PPP1R12B: variants seen among roughly 807,000 people sequenced by gnomAD.
PPP1R12B encodes the protein myosin phosphatase target subunit 2.
PPP1R12B carries 76 observed loss-of-function variants against 126.1 expected under a neutral mutation model. The observed-to-expected ratio is 0.60, with a 90% CI of 0.50 to 0.73. The LOEUF (loss-of-function observed/expected upper bound fraction) is 0.73. PPP1R12B is among the 30% of genes least tolerant of loss of function. The pLI, the probability that PPP1R12B is intolerant of heterozygous loss-of-function variation, is 0.00. For missense variants in PPP1R12B, 1,052 were observed against 1,205.1 expected (o/e 0.87, Z 1.88); for synonymous variants, 356 against 434.7 (o/e 0.82, Z 2.25).
chr1:202,570,615 A>AT (rs1300545673), intron 23 of PPP1R12B, among the ~76,000 whole-genome samples: 1 of 152,170 alleles, frequency 6.6e-6, no homozygotes, highest in East Asian at 1.9e-4. Context: ...GCATCTTGTG[A>AT]TTTTTTTCAA....
intron 1 of PPP1R12B, among the ~76,000 whole-genome samples, chr1:202,412,120 TG>T (rs1285416040): frequency 6.6e-6 from 1 of 152,214 alleles, no homozygotes; most frequent in East Asian, 1.9e-4. Flanking sequence ...TTGTTCTTGT[TG>T]TTCTGTCAAA....
chr1:202,433,593 C>A (rs1259014941), intron 8 of PPP1R12B, among the ~76,000 whole-genome samples: 7 of 152,206 alleles, frequency 4.6e-5, no homozygotes, highest in Non-Finnish European at 1.5e-5. Flanking sequence ...AACTGGACTG[C>A]TTAATTTCCT....
intron 18 of PPP1R12B, among the ~76,000 whole-genome samples, chr1:202,532,002 G>A (rs1041572553): frequency 1.5e-4 from 23 of 152,206 alleles, no homozygotes; most frequent in Non-Finnish European, 2.9e-4. Context: ...AGACAGAGCA[G>A]CCCCAAGGGC....
At chr1:202,567,689 A>T in intron 21 of PPP1R12B, 89 bp from the exon 22 acceptor site, 1 of 1,360,106 alleles carries the variant, frequency 7.4e-7, no homozygotes, top group Non-Finnish European at 1.0e-6. Context: ...TTATTTCTAG[A>T]TGTCTAGTAG....
chr1:202,439,077 A>T, intron 10 of PPP1R12B: 1 of 1,435,708 alleles, frequency 7.0e-7, no homozygotes, highest in South Asian at 1.1e-5. Context: ...CTTGCCATCA[A>T]GACCATCACC....
chr1:202,355,990 TG>T (rs1277564245), intron 1 of PPP1R12B, among the ~76,000 whole-genome samples: 2 of 151,898 alleles, frequency 1.3e-5, no homozygotes, highest in Non-Finnish European at 2.9e-5. Context: ...AGCAATGTGG[TG>T]AGACCCTATC....
intron 18 of PPP1R12B, among the ~76,000 whole-genome samples, chr1:202,538,683 T>A (rs371861089): frequency 1.3e-5 from 2 of 152,314 alleles, no homozygotes; most frequent in East Asian, 3.9e-4. Context: ...TAGAAAACAT[T>A]TGGCCTAGAA....
Position 202,349,015 on chromosome 1 carries a change from G to A in PPP1R12B, c.164G>A (p.Arg55His), listed in dbSNP as rs201719870. 5.7e-5 allele frequency: 92 copies of A among 1,610,326 alleles called. No homozygotes were observed. Among genetic ancestry groups the A allele is most frequent in the Non-Finnish European group, 6.8e-6 (8 of 1,178,672 alleles). Residue 55 changes from arginine to histidine, a missense_variant, in exon 1 of 24, where the codon CGC (arginine) becomes CAC (histidine). By Grantham distance (29) the Arg-to-His change is conservative (BLOSUM62 0). Coordinates refer to ENST00000608999, the MANE Select transcript of PPP1R12B (RefSeq NM_002481.4). ...PLTRRGSPRVRFEDGAVFLAA... is the reference protein window; with the variant it reads ...PLTRRGSPRVHFEDGAVFLAA... ...ACCAGGCGCGGGAGCCCCAGGGTCC[G>A]CTTCGAGGACGGTGCTGTCTTTCTG...
intron 18 of PPP1R12B, among the ~76,000 whole-genome samples, chr1:202,506,857 A>T (rs1013112542): frequency 2.0e-5 from 3 of 152,208 alleles, no homozygotes; most frequent in African/African-American, 7.2e-5. Flanking sequence ...AGAATTGCTA[A>T]AGGAGTTTGT....
At chr1:202,393,224 A>T (rs1664411803) in intron 1 of PPP1R12B, among the ~76,000 whole-genome samples, 1 of 152,204 alleles carries the variant, frequency 6.6e-6, no homozygotes, top group Admixed American at 6.5e-5. Context: ...CTGGGATTAC[A>T]AGAGTGAGCC....
chr1:202,472,340 T>TA (rs1027442917), intron 13 of PPP1R12B, among the ~76,000 whole-genome samples: 26 of 152,124 alleles, frequency 1.7e-4, no homozygotes, highest in African/African-American at 2.9e-4. Context: ...GCTGTCTTGT[T>TA]AAAAAAAATG....
At chr1:202,477,395 C>T (rs985654538) in intron 13 of PPP1R12B, among the ~76,000 whole-genome samples, 1 of 152,178 alleles carries the variant, frequency 6.6e-6, no homozygotes, top group African/African-American at 2.4e-5. Context: ...ACCAAGTAAG[C>T]TGAGAAGCCA....
intron 1 of PPP1R12B, among the ~76,000 whole-genome samples, chr1:202,376,861 C>T (rs142054280): frequency 2.1e-3 from 319 of 152,266 alleles, no homozygotes; most frequent in Non-Finnish European, 3.2e-3. Flanking sequence ...ATCTTTTACA[C>T]CAAGCTTGTC....
Position 202,588,850 on chromosome 1 carries a change from G to GATAGATAGAT in PPP1R12B, c.*8292_*8301dup, listed in dbSNP as rs1191830430. The GATAGATAGAT allele has an allele frequency of 1.3e-4, 19 of 145,170 alleles. No individual in the cohort carries two copies. Among genetic ancestry groups the GATAGATAGAT allele is most frequent in the African/African-American group, 5.3e-4 (19 of 35,584 alleles). The allele number at this position is 145,170 out of a possible 1,614,324, so 9.0% of individuals were successfully genotyped here. On this transcript the variant is annotated 3_prime_UTR_variant, in exon 24 of 24. Coordinates refer to ENST00000608999, the MANE Select transcript of PPP1R12B (RefSeq NM_002481.4). ...AGATAGATAGATAGATAGATAGATA[G>GATAGATAGAT]ATAGATAGATAGATAGATAGATATC...
chr1:202,500,329 A>T (rs565071402), intron 18 of PPP1R12B, among the ~76,000 whole-genome samples: 1 of 152,256 alleles, frequency 6.6e-6, no homozygotes, highest in African/African-American at 2.4e-5. Flanking sequence ...TAGGATATGG[A>T]ATCAACTTAA....
chr1:202,401,361 A>ATTTTATT (rs1665810325), intron 1 of PPP1R12B, among the ~76,000 whole-genome samples: 1 of 71,426 alleles, frequency 1.4e-5, no homozygotes, highest in Non-Finnish European at 2.5e-5. Flanking sequence ...GGCTAATTTA[A>ATTTTATT]TTTTTTTTTT....
chr1:202,369,311 G>A (rs1571629917), intron 1 of PPP1R12B, among the ~76,000 whole-genome samples: 1 of 152,310 alleles, frequency 6.6e-6, no homozygotes, highest in Middle Eastern at 3.4e-3. Context: ...TCCAATCATA[G>A]TTTTAGAAGG....
intron 13 of PPP1R12B, among the ~76,000 whole-genome samples, chr1:202,465,828 T>G (rs1188180342): frequency 6.6e-6 from 1 of 152,214 alleles, no homozygotes; most frequent in African/African-American, 2.4e-5. Context: ...TAGAGTATGA[T>G]TCACAGTCCT....
intron 13 of PPP1R12B, among the ~76,000 whole-genome samples, chr1:202,468,564 C>T (rs369349464): frequency 1.1e-4 from 16 of 152,168 alleles, no homozygotes; most frequent in African/African-American, 3.9e-4. Context: ...CTCTTTGTGG[C>T]AATTTTTGTC....
Sources: gnomAD v4.1 joint callset for allele counts (sites outside exome capture counted in the v4.1 genomes callset) on GRCh38, gnomAD v4.1.1 for gene constraint, MANE v1.5 for transcripts, NCBI Gene and HGNC (gene_info 2026-07-23, HGNC 2026-07-21) for gene names.